RAB11FIP4: variants seen among roughly 807,000 people sequenced by gnomAD.
RAB11FIP4 encodes rab11 family-interacting protein 4.
Under a neutral mutation model 74.3 loss-of-function variants are expected in RAB11FIP4, and 23 were observed. That is an observed-to-expected ratio of 0.31 (90% CI 0.22 to 0.44). The LOEUF is 0.44. Ranked by LOEUF, RAB11FIP4 falls within the 20% of genes least tolerant of loss-of-function variation. The pLI is 1.00. For synonymous variants in RAB11FIP4, 360 were observed against 359.9 expected (o/e 1.00, Z 0.00); for missense variants, 630 against 863.9 (o/e 0.73, Z 3.39).
intron 1 of RAB11FIP4, among the ~76,000 whole-genome samples, chr17:31,421,272 T>C (rs2071196720): frequency 6.6e-6 from 1 of 152,076 alleles, no homozygotes; most frequent in South Asian, 2.1e-4. Flanking sequence ...CAGGCTGAAG[T>C]GCAGTGTGTG....
intron 9 of RAB11FIP4, 65 bp from the exon 10 acceptor site, chr17:31,525,025 G>T: frequency 6.5e-7 from 1 of 1,547,020 alleles, no homozygotes. Context: ...GGTCCCCCGT[G>T]CCACAGCCTG....
intron 1 of RAB11FIP4, among the ~76,000 whole-genome samples, chr17:31,406,302 G>A (rs2071041232): frequency 6.6e-6 from 1 of 152,242 alleles, no homozygotes; most frequent in Admixed American, 6.5e-5. Context: ...CCAGCCAGAG[G>A]AGTGGCCTCT....
intron 1 of RAB11FIP4, among the ~76,000 whole-genome samples, chr17:31,410,321 G>A (rs1205923008): frequency 6.6e-6 from 1 of 152,108 alleles, no homozygotes; most frequent in Non-Finnish European, 1.5e-5. Context: ...GTGGTCCCAG[G>A]ATGATGAGGA....
intron 3 of RAB11FIP4, among the ~76,000 whole-genome samples, chr17:31,445,791 A>G (rs1036310394): frequency 3.2e-4 from 48 of 150,162 alleles, no homozygotes; most frequent in Middle Eastern, 3.4e-3. Flanking sequence ...GGGTTTTACC[A>G]TGTTGGCCAG....
At chr17:31,459,992 C>T (rs2071619825) in intron 3 of RAB11FIP4, among the ~76,000 whole-genome samples, 1 of 152,204 alleles carries the variant, frequency 6.6e-6, no homozygotes, top group African/African-American at 2.4e-5. Context: ...CTTGCGGTCA[C>T]TCCCGGCCCT....
intron 3 of RAB11FIP4, among the ~76,000 whole-genome samples, chr17:31,468,291 G>A (rs960361147): frequency 6.6e-6 from 1 of 152,080 alleles, no homozygotes; most frequent in Non-Finnish European, 1.5e-5. Flanking sequence ...TGCAAAGCTG[G>A]CCTCAGGCAG....
chr17:31,513,976 C>T (rs151235818), intron 3 of RAB11FIP4, among the ~76,000 whole-genome samples: 4 of 152,302 alleles, frequency 2.6e-5, no homozygotes, highest in Admixed American at 2.6e-4. Context: ...CCCCAGGCAG[C>T]TCGCACGGGG....
intron 3 of RAB11FIP4, 114 bp downstream of exon 3, chr17:31,434,236 T>A: frequency 1.2e-6 from 1 of 811,256 alleles, no homozygotes; most frequent in Non-Finnish European, 2.0e-6. Context: ...TGAGGACCCT[T>A]CTTGAGCATC....
chr17:31,488,116 C>T, intron 3 of RAB11FIP4: 1 of 1,026,936 alleles, frequency 9.7e-7, no homozygotes, highest in Non-Finnish European at 1.2e-6. Flanking sequence ...CCACTGGTGC[C>T]CAGAAGTGCG....
intron 1 of RAB11FIP4, among the ~76,000 whole-genome samples, chr17:31,418,531 A>T (rs895905632): frequency 7.4e-6 from 1 of 134,288 alleles, no homozygotes; most frequent in African/African-American, 2.8e-5. Flanking sequence ...TGGCACAATC[A>T]CAGTTCACTG....
At chr17:31,505,536 AT>A (rs2072314693) in intron 3 of RAB11FIP4, among the ~76,000 whole-genome samples, 2 of 81,830 alleles carry the variant, frequency 2.4e-5, no homozygotes, top group African/African-American at 1.0e-4. Context: ...ATATATAATT[AT>A]TATATATTAT....
Position 31,430,170 on chromosome 17 carries a change from C to G in RAB11FIP4, c.160-1643C>G, listed in dbSNP as rs549266218. Among the ~76,000 whole-genome samples, 4 of 152,058 alleles carry G rather than the reference C, an allele frequency of 2.6e-5. No homozygotes were observed. The South Asian group carries it at 8.3e-4, about 32-fold the overall frequency. Reference sequence around the variant, plus strand: ...CATGGCGAATGGGGAGGACAGCTGTCCAAGTTGTAGGGAATAGCATGTGCA... The same window carrying G: ...CATGGCGAATGGGGAGGACAGCTGTGCAAGTTGTAGGGAATAGCATGTGCA... On this transcript the variant is annotated intron_variant, in intron 1 of 14. Transcript: ENST00000621161.
At chr17:31,468,321 T>C (rs1015450832) in intron 3 of RAB11FIP4, among the ~76,000 whole-genome samples, 22 of 152,302 alleles carry the variant, frequency 1.4e-4, no homozygotes, top group Admixed American at 9.8e-4. Context: ...ACCACTGTTC[T>C]GGGCTCCTTT....
Position 31,522,144 on chromosome 17 carries a change from T to C in RAB11FIP4, c.893+95T>C. On this transcript the variant is annotated intron_variant, in intron 6 of 14. Transcript: ENST00000621161. ...GGGCATGGCGAGGCGACCCCTGCTG[T>C]CTGGGCAGGTGAGAGCTCTCAGAGG... 3 of 1,517,720 alleles carry C rather than the reference T, an allele frequency of 2.0e-6. No individual in the cohort carries two copies. In the Admixed American group the frequency reaches 5.2e-5, roughly 26 times the overall value. 94.0% of individuals were successfully genotyped at this position (1,517,720 alleles called of 1,614,324 possible).
intron 1 of RAB11FIP4, among the ~76,000 whole-genome samples, chr17:31,400,720 C>T (rs536227113): frequency 1.5e-4 from 23 of 152,210 alleles, no homozygotes; most frequent in African/African-American, 3.9e-4. Flanking sequence ...GACAAGCTGC[C>T]GTTGCTGGGT....
chr17:31,467,680 A>G (rs1028983900), intron 3 of RAB11FIP4, among the ~76,000 whole-genome samples: 18 of 152,170 alleles, frequency 1.2e-4, no homozygotes, highest in African/African-American at 4.1e-4. Context: ...TGAGGGACTG[A>G]GTGAGGCCAT....
intron 3 of RAB11FIP4, among the ~76,000 whole-genome samples, chr17:31,437,406 AT>A (rs370341531): frequency 1.5e-3 from 230 of 152,150 alleles, no homozygotes; most frequent in African/African-American, 5.4e-3. Flanking sequence ...GCAGGTCCGA[AT>A]TTCTCAGGCC....
intron 3 of RAB11FIP4, among the ~76,000 whole-genome samples, chr17:31,440,488 G>T (rs2071397686): frequency 6.6e-6 from 1 of 152,272 alleles, no homozygotes; most frequent in African/African-American, 2.4e-5. Flanking sequence ...AACCTTTAAG[G>T]CCAGGTGCGG....
At chr17:31,479,206 T>C (rs765734079) in intron 3 of RAB11FIP4, among the ~76,000 whole-genome samples, 27 of 152,180 alleles carry the variant, frequency 1.8e-4, no homozygotes, top group Non-Finnish European at 3.7e-4. Flanking sequence ...TGCAGGGAAA[T>C]GTTCTCTCCT....
Sources: gnomAD v4.1 joint callset for allele counts (sites outside exome capture counted in the v4.1 genomes callset) on GRCh38, gnomAD v4.1.1 for gene constraint, MANE v1.5 for transcripts, NCBI Gene and HGNC (gene_info 2026-07-23, HGNC 2026-07-21) for gene names.